Variants in SCFD2 observed in about 807,000 individuals in gnomAD.
The protein encoded by SCFD2 is sec1 family domain-containing protein 2.
SCFD2 carries 54 observed loss-of-function variants against 58.9 expected under a neutral mutation model. The ratio of observed to expected loss-of-function variants is 0.92; its 90% CI spans 0.74 to 1.15. The LOEUF is 1.15. Among genes scored for constraint, SCFD2 ranks in the 50% most tolerant of loss-of-function variants. SCFD2 has a pLI of 0.00. For missense variants in SCFD2, 805 were observed against 836.6 expected (o/e 0.96, Z 0.47); for synonymous variants, 321 against 335.9 (o/e 0.96, Z 0.49).
At chr4:52,908,012 A>G (rs374702665) in intron 6 of SCFD2, among the ~76,000 whole-genome samples, 10 of 152,146 alleles carry the variant, frequency 6.6e-5, no homozygotes, top group Admixed American at 4.6e-4. Flanking sequence ...CTCTGCTAGG[A>G]ACTCCAATGT....
intron 5 of SCFD2, among the ~76,000 whole-genome samples, chr4:53,030,660 G>C (rs1231973260): frequency 6.6e-6 from 1 of 152,112 alleles, no homozygotes; most frequent in Non-Finnish European, 1.5e-5. Context: ...GACCTCAGGT[G>C]ATCTCCCTGC....
chr4:52,902,642 T>A (rs1344322844), intron 7 of SCFD2, among the ~76,000 whole-genome samples: 1 of 152,174 alleles, frequency 6.6e-6, no homozygotes, highest in African/African-American at 2.4e-5. Flanking sequence ...AGCAAATACT[T>A]ACGTAGTACT....
intron 7 of SCFD2, among the ~76,000 whole-genome samples, chr4:52,893,501 C>T (rs1161247404): frequency 6.6e-6 from 1 of 152,204 alleles, no homozygotes; most frequent in Non-Finnish European, 1.5e-5. Flanking sequence ...CCAAAGCATC[C>T]TTTACCCCTG....
chr4:53,108,425 A>G (rs192013484), intron 5 of SCFD2, among the ~76,000 whole-genome samples: 246 of 152,298 alleles, frequency 1.6e-3, no homozygotes, highest in African/African-American at 5.6e-3. Flanking sequence ...CAATAAATCC[A>G]GGAGGTGCTT....
At chr4:53,322,966 C>T (rs1733070781) in intron 2 of SCFD2, among the ~76,000 whole-genome samples, 1 of 152,212 alleles carries the variant, frequency 6.6e-6, no homozygotes, top group African/African-American at 2.4e-5. Context: ...GCAAATGTAT[C>T]TGCCTGCTTC....
chr4:53,045,485 T>C (rs1399320273), intron 5 of SCFD2, among the ~76,000 whole-genome samples: 1 of 152,170 alleles, frequency 6.6e-6, no homozygotes, highest in Non-Finnish European at 1.5e-5. Flanking sequence ...TACTACTATA[T>C]ATCCAGAACT....
intron 2 of SCFD2, among the ~76,000 whole-genome samples, chr4:53,343,484 C>A (rs189777524): frequency 2.6e-5 from 4 of 152,250 alleles, no homozygotes; most frequent in East Asian, 3.9e-4. Context: ...CAAAAAAAGT[C>A]CAGGACCAGA....
chr4:52,972,334 A>G (rs186386208), intron 5 of SCFD2, among the ~76,000 whole-genome samples: 36 of 152,304 alleles, frequency 2.4e-4, no homozygotes, highest in African/African-American at 8.7e-4. Flanking sequence ...CTACCAAGCA[A>G]ATGGAAAACA....
At chr4:52,878,935 T>G (rs1294179573) in intron 8 of SCFD2, among the ~76,000 whole-genome samples, 2 of 152,220 alleles carry the variant, frequency 1.3e-5, no homozygotes, top group Non-Finnish European at 2.9e-5. Flanking sequence ...TTCCTCTCCC[T>G]TTCCCCTTTT....
intron 4 of SCFD2, among the ~76,000 whole-genome samples, chr4:53,264,533 C>T (rs557866777): frequency 1.3e-5 from 2 of 152,198 alleles, no homozygotes; most frequent in Non-Finnish European, 2.9e-5. Flanking sequence ...GTGGTGGAAA[C>T]TTCTTCTCAG....
Position 53,366,024 on chromosome 4 carries a change from G to C in SCFD2, c.-83C>G. ...CGCTTCCGGAAATTGGGCTCCGGGA[G>C]ACTTTGACAGTCTCCACAGTACACG... On this transcript the variant is annotated 5_prime_UTR_variant, in exon 1 of 9. Transcript: ENST00000401642. 1.4e-6 allele frequency: 2 copies of C among 1,465,590 alleles called. No homozygotes were observed. The highest frequency in any genetic ancestry group is 2.3e-4 in the Middle Eastern group (1 of 4,346). The allele number at this position is 1,465,590 out of a possible 1,614,324, so 90.8% of individuals were successfully genotyped here.
intron 3 of SCFD2, among the ~76,000 whole-genome samples, chr4:53,297,863 C>T (rs772426435): frequency 6.6e-6 from 1 of 152,174 alleles, no homozygotes; most frequent in Non-Finnish European, 1.5e-5. Context: ...GTGACAAAAT[C>T]TCTCAGCATT....
chr4:53,344,380 T>G lies in SCFD2; in HGVS notation c.1007+8218A>C, dbSNP rs533190011. On this transcript the variant is annotated intron_variant, in intron 2 of 8. Transcript: ENST00000401642. Reference sequence around the variant, plus strand: ...ACAAAGAGAATAAAATACCTAGGAATCCAACTTACAAGGGATGTGAAGGAC... The same window carrying G: ...ACAAAGAGAATAAAATACCTAGGAAGCCAACTTACAAGGGATGTGAAGGAC... Among the ~76,000 whole-genome samples the G allele has an allele frequency of 2.0e-5, 3 of 152,174 alleles. No homozygotes were observed. The South Asian group carries it at 6.2e-4, about 32-fold the overall frequency.
At chr4:53,347,658 G>A (rs964529888) in intron 2 of SCFD2, among the ~76,000 whole-genome samples, 1 of 152,158 alleles carries the variant, frequency 6.6e-6, no homozygotes, top group African/African-American at 2.4e-5. Flanking sequence ...AACTTTAAGA[G>A]CCAAAGCCCT....
intron 5 of SCFD2, among the ~76,000 whole-genome samples, chr4:53,095,005 C>T (rs1040593893): frequency 6.6e-6 from 1 of 152,138 alleles, no homozygotes; most frequent in African/African-American, 2.4e-5. Flanking sequence ...GCTTTAAAGA[C>T]ACATATTCTA....
At chr4:53,098,128 T>C (rs1008666404) in intron 5 of SCFD2, among the ~76,000 whole-genome samples, 34 of 152,344 alleles carry the variant, frequency 2.2e-4, no homozygotes, top group Non-Finnish European at 4.1e-4. Context: ...CAGTATTTTA[T>C]TGAGGATTTT....
intron 7 of SCFD2, among the ~76,000 whole-genome samples, chr4:52,894,621 A>G (rs1560472764): frequency 1.3e-5 from 2 of 152,238 alleles, no homozygotes; most frequent in Admixed American, 6.5e-5. Flanking sequence ...TGTTTGAAGA[A>G]TGTCAGGTTC....
intron 4 of SCFD2, among the ~76,000 whole-genome samples, chr4:53,188,094 C>T (rs548193873): frequency 1.3e-5 from 2 of 152,142 alleles, no homozygotes; most frequent in Non-Finnish European, 2.9e-5. Flanking sequence ...AGGGAACATC[C>T]TATGCTTAAT....
chr4:52,889,985 G>A (rs1718844390), intron 7 of SCFD2, among the ~76,000 whole-genome samples: 2 of 152,244 alleles, frequency 1.3e-5, no homozygotes, highest in Admixed American at 1.3e-4. Context: ...AATGTTGCAT[G>A]AATGAAATAG....
Sources: allele counts gnomAD v4.1 joint callset (sites outside exome capture counted in the v4.1 genomes callset), GRCh38; gene constraint gnomAD v4.1.1; transcripts MANE v1.5; gene names NCBI Gene and HGNC (gene_info 2026-07-23, HGNC 2026-07-21).